Variants in FAM200C observed in about 807,000 individuals in gnomAD.
the FAM200C span, chr5:160,395,563 C>G: frequency 1.6e-6 from 2 of 1,242,764 alleles, no homozygotes; most frequent in African/African-American, 3.0e-5. Context: ...ATATAACCCA[C>G]ACATTAAAAA....
At chr5:160,396,239 G>A in the FAM200C span, among the ~76,000 whole-genome samples, 1 of 151,616 alleles carries the variant, frequency 6.6e-6, no homozygotes, top group African/African-American at 2.4e-5. Flanking sequence ...TTATGAGTGA[G>A]AACATGGTAG....
At chr5:160,395,138 G>A in the FAM200C span, 17 of 1,613,914 alleles carry the variant, frequency 1.1e-5, no homozygotes, top group Non-Finnish European at 1.4e-5. Context: ...CAGTGCACAA[G>A]GTTTCACTAA....
At chr5:160,397,102 C>T in the FAM200C span, among the ~76,000 whole-genome samples, 1 of 152,168 alleles carries the variant, frequency 6.6e-6, no homozygotes, top group Non-Finnish European at 1.5e-5. Context: ...AAAATATACA[C>T]GTCCCTGCAC....
chr5:160,398,029 G>T, the FAM200C span, among the ~76,000 whole-genome samples: 1 of 152,198 alleles, frequency 6.6e-6, no homozygotes, highest in East Asian at 1.9e-4. Flanking sequence ...ATCACTTGAG[G>T]TCAGGAGTTC....
the FAM200C span, among the ~76,000 whole-genome samples, chr5:160,399,373 T>C: frequency 6.6e-6 from 1 of 152,240 alleles, no homozygotes; most frequent in South Asian, 2.1e-4. Context: ...AAAGTGCAGC[T>C]GTAAACCTAA....
the FAM200C span, chr5:160,393,758 C>T: frequency 1.0e-5 from 16 of 1,556,692 alleles, no homozygotes; most frequent in Middle Eastern, 1.7e-4. Flanking sequence ...GTCCGAGAAA[C>T]GAGGAACTTT....
the FAM200C span, chr5:160,395,659 G>GT: frequency 2.2e-5 from 14 of 634,802 alleles, no homozygotes; most frequent in Non-Finnish European, 3.9e-5. Flanking sequence ...TCAATTCGAA[G>GT]TAAGCCATGA....
chr5:160,393,606 C>T, the FAM200C span: 1 of 890,642 alleles, frequency 1.1e-6, no homozygotes, highest in Non-Finnish European at 1.7e-6. Context: ...GTTTTTTAGA[C>T]ATAGAATTCA....
At chr5:160,393,864 G>A in the FAM200C span, 81 of 1,614,018 alleles carry the variant, frequency 5.0e-5, no homozygotes, top group Admixed American at 7.7e-4. Flanking sequence ...AACTCACAAA[G>A]GTATGTAGTT....
At chr5:160,393,959 A>G in the FAM200C span, 1 of 1,613,848 alleles carries the variant, frequency 6.2e-7, no homozygotes, top group Non-Finnish European at 8.5e-7. Context: ...CTCAAGCTTC[A>G]TTGTCTCAAA....
At chr5:160,396,387 A>G in the FAM200C span, among the ~76,000 whole-genome samples, 2 of 152,196 alleles carry the variant, frequency 1.3e-5, no homozygotes, top group African/African-American at 2.4e-5. Flanking sequence ...GGTAGGCTAC[A>G]AATTGGCTCA....
At chr5:160,397,791 GACC>G in the FAM200C span, among the ~76,000 whole-genome samples, 2 of 152,182 alleles carry the variant, frequency 1.3e-5, no homozygotes, top group East Asian at 3.8e-4. Context: ...GAGACTACAT[GACC>G]ACTTTTGCTT....
At chr5:160,397,846 C>T in the FAM200C span, among the ~76,000 whole-genome samples, 1 of 152,186 alleles carries the variant, frequency 6.6e-6, no homozygotes, top group Non-Finnish European at 1.5e-5. Context: ...ATGACATTAC[C>T]ATAAATGCTT....
At chr5:160,397,773 C>CAAGTAA in the FAM200C span, among the ~76,000 whole-genome samples, 2 of 152,170 alleles carry the variant, frequency 1.3e-5, no homozygotes, top group African/African-American at 4.8e-5. Context: ...CTTCTTTTGT[C>CAAGTAA]AAGTAATGAG....
the FAM200C span, among the ~76,000 whole-genome samples, chr5:160,396,155 C>T: frequency 6.6e-6 from 1 of 151,610 alleles, no homozygotes; most frequent in African/African-American, 2.4e-5. Flanking sequence ...CACTCTTCCA[C>T]CCCACCCTTC....
At chr5:160,395,955 G>A in the FAM200C span, among the ~76,000 whole-genome samples, 1 of 152,242 alleles carries the variant, frequency 6.6e-6, no homozygotes, top group East Asian at 1.9e-4. Flanking sequence ...CTGAATAAAG[G>A]AGCAATTCAC....
chr5:160,395,710 T>C, the FAM200C span, among the ~76,000 whole-genome samples: 14 of 152,226 alleles, frequency 9.2e-5, no homozygotes, highest in Non-Finnish European at 1.0e-4. Context: ...TCATAGCTAA[T>C]GCCCTGGAAT....
chr5:160,397,869 T>C, the FAM200C span, among the ~76,000 whole-genome samples: 47 of 152,376 alleles, frequency 3.1e-4, no homozygotes, highest in African/African-American at 1.1e-3. Context: ...TTTTCTGTAT[T>C]CTATTAATGT....
chr5:160,397,837 T>C, the FAM200C span, among the ~76,000 whole-genome samples: 399 of 152,364 alleles, frequency 2.6e-3, no homozygotes, highest in African/African-American at 9.0e-3. Context: ...GATAAAATTA[T>C]GACATTACCA....
Sources: allele counts gnomAD v4.1 joint callset (sites outside exome capture counted in the v4.1 genomes callset), GRCh38; gene constraint gnomAD v4.1.1; transcripts MANE v1.5.